Variants in CBLC observed in about 807,000 individuals in gnomAD.
The protein encoded by CBLC is E3 ubiquitin-protein ligase CBL-C.
Under a neutral mutation model 58.6 loss-of-function variants are expected in CBLC, and 46 were observed. The ratio of observed to expected loss-of-function variants is 0.79; its 90% CI spans 0.62 to 1.00. The LOEUF is 1.00. CBLC is among the 50% of genes least tolerant of loss of function. The probability of loss-of-function intolerance (pLI) is 0.00; values close to 1 mark genes in which losing one functional copy is unlikely to be tolerated. For synonymous variants in CBLC, 271 were observed against 264.2 expected, an observed-to-expected ratio of 1.03 and a Z score of -0.25; for missense variants, 655 against 625.8, an observed-to-expected ratio of 1.05 and a Z score of -0.50.
At position 44,781,356 on chromosome 19, in the gene CBLC, T is replaced by C. The variant is rs761418172; in HGVS notation, c.650T>C (p.Leu217Pro). Residue 217 changes from leucine to proline, a missense_variant, in exon 3 of 11, where the codon CTC (leucine) becomes CCC (proline). Coordinates refer to ENST00000647358, the MANE Select transcript of CBLC (RefSeq NM_012116.4). Reference protein sequence around the residue: ...SIFEFDVFTRLFQPWPTLLKN... With the variant: ...SIFEFDVFTRPFQPWPTLLKN... ...TTCGAGTTCGACGTCTTCACCAGGC[T>C]CTTTCAGGTCAGGGAAGGCCAAGGC... 1.2e-6 allele frequency: 2 copies of C among 1,608,944 alleles called. No homozygotes were observed. The highest frequency in any genetic ancestry group is 1.7e-6 in the Non-Finnish European group (2 of 1,179,746).
In CBLC at chr19:44,790,082, C is replaced by T. The variant is rs766142122; in HGVS notation, c.996C>T (p.His332=). 35 of 1,613,638 alleles carry T rather than the reference C, an allele frequency of 2.2e-5. No homozygotes were observed. The highest frequency in any genetic ancestry group is 2.6e-5 in the Non-Finnish European group (31 of 1,179,700). ...AGGCAGAACCCCAGCAGCGCATCCA[C>T]GTGTCAGAGGTGAGACCCGCACCTG... ...LGQAEPQQRI[H]VSEEQLQLYW... The change falls in exon 6 of 11, where the codon CAC becomes CAT. Residue 332 remains histidine, a synonymous_variant. Coordinates refer to ENST00000647358, the MANE Select transcript of CBLC (RefSeq NM_012116.4).
rs201207715 is a variant in CBLC, at chr19:44,784,290, G to T, written c.806G>T (p.Arg269Leu). 3 of 1,589,412 alleles carry T rather than the reference G, an allele frequency of 1.9e-6. No homozygotes were observed. The highest frequency in any genetic ancestry group is 1.7e-6 in the Non-Finnish European group (2 of 1,160,512). The stretch of plus-strand genomic sequence containing the variant: ...TACATCTTCCGGCCCAGCTGTACTC[G>T]CCTGGGGCAGTGGGCCATCGGCTAT... ...GSYIFRPSCT[R>L]LGQWAIGYVS... Residue 269 changes from arginine (R) to leucine (L), a missense_variant, in exon 5 of 11, where the codon CGC (arginine) becomes CTC (leucine). Physicochemically the swap from Arg to Leu is moderately radical, Grantham distance 102 (BLOSUM62 -2). Transcript: ENST00000647358.
chr19:44,791,773 C>A (rs906157408), intron 6 of CBLC, among the ~76,000 whole-genome samples: 6 of 151,004 alleles, frequency 4.0e-5, no homozygotes, highest in Non-Finnish European at 7.4e-5. Flanking sequence ...TGTAGGAGGC[C>A]ATTGGACATG....
intron 9 of CBLC, among the ~76,000 whole-genome samples, chr19:44,796,061 A>G (rs1440688854): frequency 1.3e-5 from 2 of 151,866 alleles, no homozygotes; most frequent in East Asian, 3.9e-4. Flanking sequence ...CTAAAAATGC[A>G]AAAATTAGCT....
At chr19:44,788,085 C>T (rs1967957200) in intron 5 of CBLC, among the ~76,000 whole-genome samples, 4 of 151,916 alleles carry the variant, frequency 2.6e-5, no homozygotes, top group African/African-American at 2.4e-5. Flanking sequence ...GTGTAAACCA[C>T]TGCACCTGGC....
Position 44,780,909 on chromosome 19 carries a change from C to CAGCTGGCCA in CBLC, c.368_376dup (p.Lys123_Ala125dup), listed in dbSNP as rs762668366. 1.2e-6 allele frequency: 2 copies of CAGCTGGCCA among 1,612,078 alleles called. No homozygotes were observed. Among genetic ancestry groups the CAGCTGGCCA allele is most frequent in the East Asian group, 2.2e-5 (1 of 44,888 alleles). ...AGTCCTTGCCCATCCCCACAGGCGA[C>CAGCTGGCCA]AGCTGGCCAAGCTGGCCATCATCTT... On this transcript the variant is annotated inframe_insertion, in exon 2 of 11. Transcript: ENST00000647358.
intron 4 of CBLC, among the ~76,000 whole-genome samples, chr19:44,783,070 C>T (rs1035266134): frequency 6.6e-6 from 1 of 152,070 alleles, no homozygotes; most frequent in Non-Finnish European, 1.5e-5. Context: ...AGAATAAATT[C>T]CTATAATTGA....
intron 1 of CBLC, 39 bp downstream of exon 1, chr19:44,778,323 G>A: frequency 7.2e-7 from 1 of 1,380,274 alleles, no homozygotes; most frequent in Non-Finnish European, 9.3e-7. Context: ...CTGGGGTGAG[G>A]CCCAGGTCTT....
At chr19:44,780,803 T>C (rs1382754334) in intron 1 of CBLC, 102 bp from the exon 2 acceptor site, 56 of 1,217,988 alleles carry the variant, frequency 4.6e-5, no homozygotes, top group South Asian at 6.9e-5. Context: ...ACTGTTGAGA[T>C]AGAGTCCAGA....
chr19:44,784,971 T>G lies in CBLC; in HGVS notation c.917+570T>G, dbSNP rs549667629. Among the ~76,000 whole-genome samples the G allele has an allele frequency of 4.6e-3, 585 of 125,824 alleles. 17 individuals are homozygous for G. The highest frequency in any genetic ancestry group is 0.017 in the African/African-American group (554 of 33,256). The allele number at this position is 125,824 out of a possible 152,430, so 82.5% of individuals were successfully genotyped here. On this transcript the variant is annotated intron_variant, in intron 5 of 10. Coordinates refer to ENST00000647358, the MANE Select transcript of CBLC (RefSeq NM_012116.4). The stretch of plus-strand genomic sequence containing the variant: ...AGGTGTTTTTTTTTTTTTTTTTTTT[T>G]TTTTTTTTTTTTTTTTTTGAGACAG...
chr19:44,786,889 G>A (rs1967922681), intron 5 of CBLC, among the ~76,000 whole-genome samples: 1 of 152,082 alleles, frequency 6.6e-6, no homozygotes, highest in African/African-American at 2.4e-5. Flanking sequence ...CAGATCACTT[G>A]AGATCAGGAG....
intron 9 of CBLC, among the ~76,000 whole-genome samples, chr19:44,800,031 G>A (rs1001785356): frequency 6.6e-6 from 1 of 152,148 alleles, no homozygotes; most frequent in African/African-American, 2.4e-5. Context: ...AGAGGTGAGA[G>A]GGAAAAGGCA....
At chr19:44,785,637 A>AT (rs532159820) in intron 5 of CBLC, among the ~76,000 whole-genome samples, 8 of 151,428 alleles carry the variant, frequency 5.3e-5, no homozygotes, top group East Asian at 4.0e-4. Flanking sequence ...TTAATATATA[A>AT]TTTTTTTAAC....
chr19:44,787,521 C>T (rs1481481054), intron 5 of CBLC, among the ~76,000 whole-genome samples: 2 of 151,364 alleles, frequency 1.3e-5, no homozygotes, highest in African/African-American at 4.8e-5. Context: ...GCACCGGGCA[C>T]CCAGCAAAGT....
chr19:44,780,888 C>T lies in CBLC; in HGVS notation c.354-17C>T, dbSNP rs746515008. The T allele has an allele frequency of 6.2e-7, 1 of 1,608,742 alleles. No homozygotes were observed. Among genetic ancestry groups the T allele is most frequent in the African/African-American group, 1.3e-5 (1 of 74,934 alleles). The stretch of plus-strand genomic sequence containing the variant: ...GGGAGCCCCAAGGATAGCCAGAGTC[C>T]TTGCCCATCCCCACAGGCGACAGCT... On this transcript the variant is annotated splice_polypyrimidine_tract_variant and intron_variant, in intron 1 of 10. Coordinates refer to ENST00000647358, the MANE Select transcript of CBLC (RefSeq NM_012116.4).
chr19:44,781,569 GC>G (rs1967738305), intron 3 of CBLC, among the ~76,000 whole-genome samples: 4 of 132,220 alleles, frequency 3.0e-5, no homozygotes, highest in Non-Finnish European at 4.8e-5. Context: ...GGGGCTGGGG[GC>G]CTGGACTCCT....
chr19:44,784,700 C>T (rs1372593607), intron 5 of CBLC, among the ~76,000 whole-genome samples: 1 of 152,064 alleles, frequency 6.6e-6, no homozygotes, highest in Non-Finnish European at 1.5e-5. Flanking sequence ...AGCTCAAGAG[C>T]GTTTGCTTCT....
In CBLC at chr19:44,778,001, A is replaced by G. The variant is rs1225687611; in HGVS notation, c.70A>G (p.Met24Val). The change falls in exon 1 of 11, where the codon ATG becomes GTG. Residue 24 changes from methionine to valine, a missense_variant. This residue lies in a region of CBLC where 280 missense variants were observed against 237.2 expected (regional missense o/e 1.18). Transcript: ENST00000647358. ...CCGCGCCCTGGGCCGGGCAGTCAGG[A>G]TGCTGCAGCGCCTAGAAGAGCAATG... ...EARALGRAVR[M>V]LQRLEEQCVD... is the part of the protein sequence containing the mutation. The G allele has an allele frequency of 6.2e-7, 1 of 1,608,718 alleles. No homozygotes were observed. The highest frequency in any genetic ancestry group is 1.3e-5 in the African/African-American group (1 of 74,918).
At chr19:44,781,513 G>T in intron 3 of CBLC, 150 bp downstream of exon 3, 1 of 755,984 alleles carries the variant, frequency 1.3e-6, no homozygotes, top group Non-Finnish European at 2.1e-6. Context: ...TCCTGGGTCT[G>T]AGGGAGGAGG....
Sources: gnomAD v4.1 joint callset for allele counts (sites outside exome capture counted in the v4.1 genomes callset) on GRCh38, gnomAD v4.1.1 for gene constraint, gnomAD v4.1.1 regional missense constraint, MANE v1.5 for transcripts, NCBI Gene and HGNC (gene_info 2026-07-23, HGNC 2026-07-21) for gene names.